XPNPEP2: variants seen among roughly 807,000 people sequenced by gnomAD.
The protein encoded by XPNPEP2 is X-prolyl aminopeptidase 2.
XPNPEP2 carries 64 observed loss-of-function variants against 59.8 expected under a neutral mutation model. The observed-to-expected ratio is 1.07, with a 90% CI of 0.87 to 1.32. The LOEUF (loss-of-function observed/expected upper bound fraction) is 1.32, where lower values mean the gene tolerates loss of function less well. XPNPEP2 is among the 40% of genes most tolerant of loss of function. XPNPEP2 has a pLI of 0.00. For synonymous variants in XPNPEP2, 235 were observed against 210.0 expected, an observed-to-expected ratio of 1.12 and a Z score of -1.03; for missense variants, 575 against 546.8, an observed-to-expected ratio of 1.05 and a Z score of -0.51.
intron 18 of XPNPEP2, among the ~76,000 whole-genome samples, chrX:129,762,326 G>T (rs911815026): frequency 1.8e-5 from 2 of 112,010 alleles, no homozygotes; most frequent in African/African-American, 3.3e-5. Context: ...GGTGCGTTCA[G>T]GGTGGTATGG....
intron 18 of XPNPEP2, among the ~76,000 whole-genome samples, 199 bp from the exon 19 acceptor site, chrX:129,762,495 T>C (rs1198113225): frequency 1.8e-5 from 2 of 111,504 alleles, no homozygotes; most frequent in Non-Finnish European, 1.9e-5. Context: ...GAGATGCCCC[T>C]GTGGGGGATC....
chrX:129,756,448 TA>T, intron 13 of XPNPEP2, 35 bp from the exon 14 acceptor site: 1 of 1,203,294 alleles, frequency 8.3e-7, no homozygotes. Context: ...AGTGCAGGGT[TA>T]GGCTGCCCTT....
intron 10 of XPNPEP2, 87 bp downstream of exon 10, chrX:129,752,432 T>C: frequency 1.0e-6 from 1 of 984,075 alleles, no homozygotes; most frequent in Non-Finnish European, 1.4e-6. Flanking sequence ...GTGAAGCCCC[T>C]CAGCCATTCA....
chrX:129,760,445 C>T, intron 15 of XPNPEP2, 67 bp from the exon 16 acceptor site: 1 of 1,113,597 alleles, frequency 9.0e-7, no homozygotes, highest in Non-Finnish European at 1.2e-6. Context: ...ATCCATAGGC[C>T]AAGCAGCTGG....
At position 129,754,598 on chromosome X, in the gene XPNPEP2, G is replaced by A. The variant is rs184664862; in HGVS notation, c.1217+17G>A. The A allele has an allele frequency of 7.6e-4, 876 of 1,153,684 alleles. No homozygotes were observed. The highest frequency in any genetic ancestry group is 9.6e-4 in the Non-Finnish European group (824 of 860,886). On this transcript the variant is annotated intron_variant, in intron 12 of 20. Transcript: ENST00000371106. ...GTTCCGAGGGTGAAGAGCCACGGCC[G>A]TCCTTTTTGGCTGACTGTCTTTTAG... is the stretch of plus-strand genomic sequence containing the variant.
At chrX:129,740,857 G>T (rs1368205441) in intron 1 of XPNPEP2, among the ~76,000 whole-genome samples, 1 of 105,933 alleles carries the variant, frequency 9.4e-6, no homozygotes, top group Admixed American at 1.0e-4. Flanking sequence ...CAGGAGAATC[G>T]CTTGAACCCG....
Position 129,762,695 on chromosome X carries a change from A to G in XPNPEP2, c.1665A>G (p.Glu555=), listed in dbSNP as rs772444447. ...AMAKGMFTSI[E]PGYYKDGEFG... is the part of the protein sequence containing the mutation. ...CACCAGCATCTCTGTGTCTCCCAGA[A>G]CCTGGTTACTATAAGGATGGAGAAT... The change falls in exon 19 of 21, where the codon GAA becomes GAG. Residue 555 remains glutamate (E), a splice_region_variant and synonymous_variant. Transcript: ENST00000371106. 19 of 1,209,565 alleles carry G rather than the reference A, an allele frequency of 1.6e-5. No homozygotes were observed. The highest frequency in any genetic ancestry group is 2.0e-5 in the Non-Finnish European group (18 of 894,635).
intron 2 of XPNPEP2, 77 bp downstream of exon 2, chrX:129,742,258 A>ACCGCAGCACCCCCGCC (rs1307099638): frequency 2.2e-6 from 1 of 464,794 alleles, no homozygotes; most frequent in East Asian, 5.3e-5. Context: ...GCACCCCTGC[A>ACCGCAGCACCCCCGCC]CCGCAGCACC....
intron 8 of XPNPEP2, among the ~76,000 whole-genome samples, chrX:129,751,501 AAAAAAGAAAGAAAAGAAAG>A (rs1926396002): frequency 9.5e-6 from 1 of 104,956 alleles, no homozygotes; most frequent in African/African-American, 3.5e-5. Flanking sequence ...AGATACTGTC[AAAAAAGAAAGAAAAGAAAG>A]AAAAAGAAAG....
At chrX:129,747,459 TG>T (rs1424116149) in intron 6 of XPNPEP2, 147 bp from the exon 7 acceptor site, 24 of 662,318 alleles carry the variant, frequency 3.6e-5, no homozygotes, top group Non-Finnish European at 5.5e-5. Context: ...ATGCCGGGGG[TG>T]GGGGGTGGGC....
At chrX:129,742,723 G>A (rs1926217504) in intron 2 of XPNPEP2, among the ~76,000 whole-genome samples, 1 of 110,804 alleles carries the variant, frequency 9.0e-6, no homozygotes, top group African/African-American at 3.3e-5. Flanking sequence ...GCAACATGGT[G>A]AAACCCCGTC....
In XPNPEP2 at chrX:129,746,321, C is replaced by T; in HGVS notation, c.384C>T (p.Asn128=). 1 of 1,209,946 alleles carries T rather than the reference C, an allele frequency of 8.3e-7. No homozygotes were observed. Among genetic ancestry groups the T allele is most frequent in the Non-Finnish European group, 1.1e-6 (1 of 894,979 alleles). The part of the protein sequence containing the change: ...WTQAERQMDC[N]WELHKEVGTT... ...AGGCTGAGCGGCAGATGGACTGCAA[C>T]TGGGAGCTCCATAAGGAAGGTAGAA... Residue 128 remains asparagine, a synonymous_variant, in exon 5 of 21, where the codon AAC becomes AAT. Coordinates refer to ENST00000371106, the MANE Select transcript of XPNPEP2 (RefSeq NM_003399.6).
intron 13 of XPNPEP2, 31 bp downstream of exon 13, chrX:129,755,402 C>T (rs1431972550): frequency 3.6e-5 from 42 of 1,163,149 alleles, no homozygotes; most frequent in Non-Finnish European, 4.7e-5. Flanking sequence ...TTCTAGGGCC[C>T]TGTTGGGGCA....
intron 15 of XPNPEP2, 44 bp downstream of exon 15, chrX:129,759,284 G>A: frequency 8.4e-7 from 1 of 1,192,108 alleles, no homozygotes; most frequent in Non-Finnish European, 1.1e-6. Flanking sequence ...TCCCCCAAGG[G>A]GGCACCCAAG....
intron 3 of XPNPEP2, among the ~76,000 whole-genome samples, chrX:129,744,545 C>G (rs1384427633): frequency 8.9e-6 from 1 of 111,862 alleles, no homozygotes; most frequent in Non-Finnish European, 1.9e-5. Flanking sequence ...TTTCCCCTCA[C>G]TAGCTCCACC....
intron 12 of XPNPEP2, among the ~76,000 whole-genome samples, chrX:129,754,960 G>A (rs1012799081): frequency 3.4e-4 from 38 of 111,789 alleles, no homozygotes; most frequent in African/African-American, 1.2e-3. Flanking sequence ...GCTTGGCCCA[G>A]GTCAGGGCCG....
Position 129,742,192 on chromosome X carries a change from C to T in XPNPEP2, c.123+11C>T, listed in dbSNP as rs1212785378. On this transcript the variant is annotated intron_variant, in intron 2 of 20. Coordinates refer to ENST00000371106, the MANE Select transcript of XPNPEP2 (RefSeq NM_003399.6). ...TCCACCAACCCCCCTGTGAGTGCCC[C>T]CTGCCCCCCGCGCACGGCCCCCCTG... 2 of 1,115,090 alleles carry T rather than the reference C, an allele frequency of 1.8e-6. No homozygotes were observed. Among genetic ancestry groups the T allele is most frequent in the East Asian group, 3.2e-5 (1 of 30,789 alleles). 91.9% of individuals were successfully genotyped at this position (1,115,090 alleles called of 1,213,427 possible). A position where few individuals can be genotyped will look rare whatever the true frequency, so the allele number is the denominator to read the frequency against.
At chrX:129,751,868 C>A in intron 9 of XPNPEP2, 42 bp downstream of exon 9, 1 of 1,144,063 alleles carries the variant, frequency 8.7e-7, no homozygotes. Context: ...CTTTCTCCAA[C>A]TTCCACCCTC....
rs1419769116 is a variant in XPNPEP2 at position 129,761,225 on chromosome X, T to G, written c.1552T>G (p.Tyr518Asp). 4.1e-6 allele frequency: 5 copies of G among 1,210,331 alleles called. No homozygotes were observed. The highest frequency in any genetic ancestry group is 2.2e-5 in the Admixed American group (1 of 45,857). The change falls in exon 17 of 21, where the codon TAT becomes GAT. Residue 518 changes from tyrosine to aspartate, a missense_variant. Physicochemically the swap from Tyr to Asp is radical, Grantham distance 160. Transcript: ENST00000371106. ...AGCCTTGTGGGATGCTGGTCTCAAT[T>G]ATGGTCATGGGACAGGCCACGGCAT... ...RRALWDAGLN[Y>D]GHGTGHGIGN...
Sources: allele counts gnomAD v4.1 joint callset (sites outside exome capture counted in the v4.1 genomes callset), GRCh38; gene constraint gnomAD v4.1.1; transcripts MANE v1.5; gene names NCBI Gene and HGNC (gene_info 2026-07-23, HGNC 2026-07-21).